Variants in SOX6 observed in about 807,000 individuals in gnomAD.
The protein encoded by SOX6 is SRY-box transcription factor 6, also known as transcription factor SOX-6.
In SOX6, 11 loss-of-function variants were observed where a neutral mutation model predicts 97.8. The ratio of observed to expected loss-of-function variants is 0.11; its 90% CI spans 0.07 to 0.19. SOX6 has a LOEUF of 0.19. SOX6 is among the 10% of genes least tolerant of loss of function. The probability of loss-of-function intolerance (pLI) is 1.00; values close to 1 mark genes in which losing one functional copy is unlikely to be tolerated. For synonymous variants in SOX6, 360 were observed against 371.4 expected, an observed-to-expected ratio of 0.97 and a Z score of 0.35; for missense variants, 810 against 1,039.5, an observed-to-expected ratio of 0.78 and a Z score of 3.04.
intron 4 of SOX6, among the ~76,000 whole-genome samples, chr11:16,520,490 G>A (rs192710694): frequency 0.01 from 1,564 of 152,232 alleles, 33 homozygotes; most frequent in Non-Finnish European, 0.013. Flanking sequence ...AGTAAACCTT[G>A]GGCCGAGCCA....
chr11:16,268,505 C>T (rs979752327), intron 3 of SOX6, among the ~76,000 whole-genome samples: 7 of 151,074 alleles, frequency 4.6e-5, no homozygotes, highest in East Asian at 1.9e-4. Flanking sequence ...TATGATGATA[C>T]GATAGAGAAG....
At chr11:16,377,315 G>T (rs1041293781) in intron 1 of SOX6, among the ~76,000 whole-genome samples, 1 of 152,134 alleles carries the variant, frequency 6.6e-6, no homozygotes, top group African/African-American at 2.4e-5. Flanking sequence ...AGTTTTCCTT[G>T]TTTATATCTC....
At chr11:16,453,052 G>A (rs1156264244) in intron 1 of SOX6, among the ~76,000 whole-genome samples, 1 of 152,056 alleles carries the variant, frequency 6.6e-6, no homozygotes, top group African/African-American at 2.4e-5. Flanking sequence ...GCATAAACAG[G>A]ACAGGTGATG....
At chr11:16,080,447 A>T (rs1158308123) in intron 9 of SOX6, among the ~76,000 whole-genome samples, 2 of 152,130 alleles carry the variant, frequency 1.3e-5, no homozygotes, top group Non-Finnish European at 2.9e-5. Context: ...ACCTACTCTG[A>T]AAGATTTTTG....
chr11:16,529,529 T>C (rs1299679564), intron 4 of SOX6, among the ~76,000 whole-genome samples: 1 of 152,120 alleles, frequency 6.6e-6, no homozygotes, highest in Non-Finnish European at 1.5e-5. Context: ...CAATTTGGCC[T>C]AACTATTCTC....
In SOX6 at chr11:16,270,600, G is replaced by C. The variant is rs542526057; in HGVS notation, c.446-35929C>G. Among the ~76,000 whole-genome samples the C allele has an allele frequency of 1.3e-4, 20 of 150,316 alleles. No individual in the cohort carries two copies. The East Asian group carries it at 3.5e-3, about 26-fold the overall frequency. On this transcript the variant is annotated intron_variant, in intron 3 of 15. Transcript: ENST00000683767. ...TAGCCATAATGTAAAAACAAACCAA[G>C]TGCCCATCAATAGATGAATGAACAA...
intron 3 of SOX6, among the ~76,000 whole-genome samples, chr11:16,282,748 C>T (rs974123470): frequency 1.3e-5 from 2 of 151,062 alleles, no homozygotes; most frequent in Non-Finnish European, 3.0e-5. Flanking sequence ...AAATTTCAAA[C>T]TAAATATCAA....
At position 16,476,090 on chromosome 11, in the gene SOX6, T is replaced by C. The variant is rs192577754; in HGVS notation, c.-5+225A>G. 4.9e-3 allele frequency among the ~76,000 whole-genome samples: 745 copies of C among 152,162 alleles called. 4 individuals carry two copies. Among genetic ancestry groups the C allele is most frequent in the Non-Finnish European group, 8.6e-3 (586 of 67,960 alleles). The stretch of plus-strand genomic sequence containing the variant: ...TCTTTAAACTTATTATAATGGGCCC[T>C]GCATTGTGTTATTTCACTGGAAATT... On this transcript the variant is annotated intron_variant, in intron 1 of 15. Transcript: ENST00000396356.
chr11:16,191,768 A>C (rs937026581), intron 4 of SOX6, among the ~76,000 whole-genome samples: 3 of 152,010 alleles, frequency 2.0e-5, no homozygotes, highest in African/African-American at 7.3e-5. Flanking sequence ...TTTATCCAAC[A>C]TCACACAGTG....
At chr11:16,560,737 C>A (rs1847806204) in intron 4 of SOX6, among the ~76,000 whole-genome samples, 1 of 152,018 alleles carries the variant, frequency 6.6e-6, no homozygotes, top group Non-Finnish European at 1.5e-5. Context: ...TAAACTCAAT[C>A]TGAGGAAACA....
intron 4 of SOX6, among the ~76,000 whole-genome samples, chr11:16,232,824 T>C (rs1353022641): frequency 2.0e-5 from 3 of 152,114 alleles, no homozygotes; most frequent in African/African-American, 7.2e-5. Flanking sequence ...CACCATGTTA[T>C]TGCAGCTGGA....
chr11:16,389,386 C>T (rs1438125713), intron 1 of SOX6, among the ~76,000 whole-genome samples: 2 of 152,168 alleles, frequency 1.3e-5, no homozygotes, highest in African/African-American at 4.8e-5. Flanking sequence ...TGCCTGGCCT[C>T]TCTGTTCTTT....
intron 3 of SOX6, among the ~76,000 whole-genome samples, chr11:16,671,093 T>C (rs1847844961): frequency 6.6e-6 from 1 of 152,080 alleles, no homozygotes; most frequent in Admixed American, 6.6e-5. Context: ...CAGATAAAGA[T>C]CCTGCACAAA....
intron 1 of SOX6, among the ~76,000 whole-genome samples, chr11:16,391,460 C>A (rs1268624054): frequency 6.6e-6 from 1 of 152,140 alleles, no homozygotes; most frequent in Non-Finnish European, 1.5e-5. Flanking sequence ...TTGTAAGATT[C>A]TTGCAAGAAT....
At chr11:16,364,236 C>A (rs1857286780) in intron 1 of SOX6, among the ~76,000 whole-genome samples, 2 of 152,026 alleles carry the variant, frequency 1.3e-5, no homozygotes, top group South Asian at 4.1e-4. Context: ...AAGCTTAATG[C>A]AGAACAAGAA....
intron 2 of SOX6, among the ~76,000 whole-genome samples, chr11:16,320,769 C>A (rs912742855): frequency 3.3e-5 from 5 of 152,100 alleles, no homozygotes; most frequent in African/African-American, 4.8e-5. Flanking sequence ...TTATATGGTA[C>A]ATATATTATA....
At chr11:16,401,150 C>G (rs988276270) in intron 1 of SOX6, among the ~76,000 whole-genome samples, 1 of 151,460 alleles carries the variant, frequency 6.6e-6, no homozygotes, top group African/African-American at 2.4e-5. Flanking sequence ...GGAAAAAGAA[C>G]AGTTAACTAA....
chr11:16,020,371 C>T (rs1335523548), intron 12 of SOX6, among the ~76,000 whole-genome samples: 1 of 152,102 alleles, frequency 6.6e-6, no homozygotes, highest in Non-Finnish European at 1.5e-5. Flanking sequence ...CTGTCCTCCC[C>T]AGTCCTTCTA....
At chr11:16,591,340 TAGATAGATAGAC>T (rs78900299) in intron 4 of SOX6, among the ~76,000 whole-genome samples, 3,896 of 110,642 alleles carry the variant, frequency 0.035, 132 homozygotes, top group African/African-American at 0.033. Flanking sequence ...GATAGATAGA[TAGATAGATAGAC>T]AGATAGATAG....
Sources: gnomAD v4.1 joint callset for allele counts (sites outside exome capture counted in the v4.1 genomes callset) on GRCh38, gnomAD v4.1.1 for gene constraint, MANE v1.5 for transcripts, NCBI Gene and HGNC (gene_info 2026-07-23, HGNC 2026-07-21) for gene names.